The following GRID1 variants were observed in gnomAD, a reference collection of about 807,000 sequenced individuals.
The protein encoded by GRID1 is glutamate ionotropic receptor delta type subunit 1, also known as glutamate receptor ionotropic, delta-1.
A neutral mutation model predicts 98.0 loss-of-function variants in GRID1; 28 were observed. The observed-to-expected ratio is 0.29, with a 90% CI of 0.21 to 0.39. GRID1 has a LOEUF of 0.39. Ranked by LOEUF, GRID1 falls within the 10% of genes least tolerant of loss-of-function variation. The probability of loss-of-function intolerance (pLI) is 1.00; values close to 1 mark genes in which losing one functional copy is unlikely to be tolerated. For missense variants in GRID1, 1,111 were observed against 1,340.5 expected (o/e 0.83, Z 2.67); for synonymous variants, 553 against 538.5 (o/e 1.03, Z -0.37).
intron 8 of GRID1, among the ~76,000 whole-genome samples, chr10:85,770,175 C>A (rs1842247175): frequency 6.6e-6 from 1 of 152,168 alleles, no homozygotes; most frequent in African/African-American, 2.4e-5. Context: ...TCACGAAAAT[C>A]TGCTGTTCTG....
chr10:86,311,734 G>A (rs939987108), intron 2 of GRID1, among the ~76,000 whole-genome samples: 39 of 152,294 alleles, frequency 2.6e-4, no homozygotes, highest in Admixed American at 1.4e-3. Flanking sequence ...GGTGGCTCAC[G>A]CCTGTAATTC....
chr10:85,994,021 T>C (rs1303176936), intron 4 of GRID1, among the ~76,000 whole-genome samples: 1 of 152,164 alleles, frequency 6.6e-6, no homozygotes, highest in African/African-American at 2.4e-5. Flanking sequence ...ATTGCAACTT[T>C]TAACCTTGTT....
chr10:85,737,674 A>ATAT, intron 8 of GRID1, among the ~76,000 whole-genome samples: 2 of 115,184 alleles, frequency 1.7e-5, no homozygotes, highest in Non-Finnish European at 3.6e-5. Flanking sequence ...ATATATATAT[A>ATAT]AACATATATG....
intron 4 of GRID1, among the ~76,000 whole-genome samples, chr10:86,082,208 G>T (rs142828251): frequency 1.3e-5 from 2 of 152,152 alleles, no homozygotes; most frequent in African/African-American, 4.8e-5. Flanking sequence ...ATAGCAAGAC[G>T]TAACTACAGA....
At chr10:85,997,386 G>A (rs370391448) in intron 4 of GRID1, among the ~76,000 whole-genome samples, 10 of 148,824 alleles carry the variant, frequency 6.7e-5, no homozygotes, top group South Asian at 2.1e-4. Context: ...GCAACAGAGC[G>A]AGACTCCATC....
intron 4 of GRID1, among the ~76,000 whole-genome samples, chr10:85,987,324 A>C (rs1382704428): frequency 1.1e-4 from 11 of 95,778 alleles, no homozygotes; most frequent in Admixed American, 4.4e-4. Flanking sequence ...CCCACCTCCC[A>C]CTCTCACTTC....
chr10:85,788,392 T>C (rs1441767063), intron 8 of GRID1, among the ~76,000 whole-genome samples: 1 of 152,200 alleles, frequency 6.6e-6, no homozygotes, highest in Non-Finnish European at 1.5e-5. Flanking sequence ...TTTAGGTGTG[T>C]TCTTTCTTAT....
At chr10:86,273,941 C>T (rs1380013011) in intron 2 of GRID1, among the ~76,000 whole-genome samples, 1 of 151,320 alleles carries the variant, frequency 6.6e-6, no homozygotes, top group Non-Finnish European at 1.5e-5. Flanking sequence ...TCAATTTTGG[C>T]TTTTGTTGCC....
intron 4 of GRID1, among the ~76,000 whole-genome samples, chr10:85,983,721 C>T (rs1008411205): frequency 9.9e-5 from 15 of 152,040 alleles, no homozygotes; most frequent in African/African-American, 3.6e-4. Flanking sequence ...CTGGCCAGGC[C>T]AAGAAAGCTC....
chr10:86,024,543 C>T (rs1213514721), intron 4 of GRID1, among the ~76,000 whole-genome samples: 1 of 152,238 alleles, frequency 6.6e-6, no homozygotes, highest in Non-Finnish European at 1.5e-5. Flanking sequence ...TGCAAAGTCA[C>T]TGCGAGGAGC....
intron 4 of GRID1, among the ~76,000 whole-genome samples, chr10:85,924,110 T>A (rs2131828859): frequency 6.6e-6 from 1 of 152,264 alleles, no homozygotes; most frequent in South Asian, 2.1e-4. Flanking sequence ...GCCTACAGAA[T>A]GAATGAATGG....
At chr10:85,614,304 G>A (rs1020506512) in intron 14 of GRID1, among the ~76,000 whole-genome samples, 1 of 152,220 alleles carries the variant, frequency 6.6e-6, no homozygotes, top group Non-Finnish European at 1.5e-5. Context: ...TCCACTGGAG[G>A]ACTAGAGAAA....
At chr10:86,286,536 A>G (rs547895683) in intron 2 of GRID1, among the ~76,000 whole-genome samples, 1 of 152,308 alleles carries the variant, frequency 6.6e-6, no homozygotes, top group South Asian at 2.1e-4. Context: ...CCAGGCAGGA[A>G]TTTGCAGTAC....
At chr10:85,788,380 T>C (rs566158019) in intron 8 of GRID1, among the ~76,000 whole-genome samples, 137 of 152,312 alleles carry the variant, frequency 9.0e-4, no homozygotes, top group Non-Finnish European at 1.7e-3. Flanking sequence ...TTAATTATTA[T>C]GTTTAGGTGT....
chr10:85,979,930 T>C (rs568280251), intron 4 of GRID1, among the ~76,000 whole-genome samples: 1 of 152,342 alleles, frequency 6.6e-6, no homozygotes, highest in Non-Finnish European at 1.5e-5. Context: ...GCACAATGGT[T>C]ACCTTCTATC....
In GRID1 at chr10:86,041,510, G is replaced by A. The variant is rs184957834; in HGVS notation, c.726+97309C>T. Among the ~76,000 whole-genome samples the A allele has an allele frequency of 3.3e-5, 5 of 152,250 alleles. No individual in the cohort carries two copies. The East Asian group carries it at 5.8e-4, about 18-fold the overall frequency. On this transcript the variant is annotated intron_variant, in intron 4 of 15. Coordinates refer to ENST00000327946, the MANE Select transcript of GRID1 (RefSeq NM_017551.3). ...TGAAAAGAGGGGGCTTGCAGGTGCC[G>A]ATGGATTGCTTTCCATAGTGGGGCC...
chr10:85,655,981 C>G (rs1840890569), intron 12 of GRID1, among the ~76,000 whole-genome samples: 3 of 151,238 alleles, frequency 2.0e-5, no homozygotes, highest in Admixed American at 6.6e-5. Flanking sequence ...TACATCTTCT[C>G]TCTCTCAAAA....
At chr10:85,730,550 C>T (rs571214448) in intron 8 of GRID1, among the ~76,000 whole-genome samples, 1 of 152,296 alleles carries the variant, frequency 6.6e-6, no homozygotes, top group Non-Finnish European at 1.5e-5. Flanking sequence ...AACCCCTGCT[C>T]TTCTAGGTCA....
rs73330584 is a variant in GRID1, at chr10:85,829,419, C to T, written c.1233+25077G>A. Reference sequence around the variant, plus strand: ...ACAAGGATGCCCATTATCATGACTCCTATTCAACACAGTATTGGAAATCCT... The same window carrying T: ...ACAAGGATGCCCATTATCATGACTCTTATTCAACACAGTATTGGAAATCCT... On this transcript the variant is annotated intron_variant, in intron 8 of 15. Transcript: ENST00000327946. 5.7e-3 allele frequency among the ~76,000 whole-genome samples: 872 copies of T among 152,284 alleles called. 8 individuals carry two copies. The highest frequency in any genetic ancestry group is 0.02 in the African/African-American group (819 of 41,566).
Sources: allele counts gnomAD v4.1 joint callset (sites outside exome capture counted in the v4.1 genomes callset), GRCh38; gene constraint gnomAD v4.1.1; transcripts MANE v1.5; gene names NCBI Gene and HGNC (gene_info 2026-07-23, HGNC 2026-07-21).